Variants in SCAPER observed in about 807,000 individuals in gnomAD.
SCAPER encodes S-phase cyclin A associated protein in the ER, also known as S phase cyclin A-associated protein in the endoplasmic reticulum.
A neutral mutation model predicts 182.2 loss-of-function variants in SCAPER; 98 were observed. That is an observed-to-expected ratio of 0.54 (90% CI 0.46 to 0.64). SCAPER has a LOEUF of 0.64. Among genes scored for constraint, SCAPER ranks in the 30% least tolerant of loss-of-function variants. SCAPER has a pLI of 0.00. For missense variants in SCAPER, 1,432 were observed against 1,690.0 expected, an observed-to-expected ratio of 0.85 and a Z score of 2.68; for synonymous variants, 605 against 564.6, an observed-to-expected ratio of 1.07 and a Z score of -1.01.
chr15:76,581,642 A>C (rs564150410), intron 22 of SCAPER, among the ~76,000 whole-genome samples: 1 of 152,170 alleles, frequency 6.6e-6, no homozygotes, highest in Non-Finnish European at 1.5e-5. Flanking sequence ...GCTGGAGTGC[A>C]GTGGTGTGAT....
At position 76,348,514 on chromosome 15, in the gene SCAPER, C is replaced by T. The variant is rs79434076; in HGVS notation, c.*119G>A. 7,424 of 624,892 alleles carry T rather than the reference C, an allele frequency of 0.012. 65 individuals are homozygous for T. The highest frequency in any genetic ancestry group is 0.016 in the Non-Finnish European group (5,996 of 364,264). 38.7% of individuals were successfully genotyped at this position (624,892 alleles called of 1,614,324 possible). ...AAATAGTGTAAAGTACATGCCATAT[C>T]TACAGTGTGGGAAGAGTATAAACAT... is the stretch of plus-strand genomic sequence containing the variant. On this transcript the variant is annotated 3_prime_UTR_variant, in exon 32 of 32. Transcript: ENST00000563290.
rs571769499 is a variant in SCAPER, at chr15:76,460,087, A to AT, written c.3078+11124dup. ...GGTTACTGTGGCCTTGTAATATATG[A>AT]TTTTTTTTCTGTTTCTATGAAAAAT... On this transcript the variant is annotated intron_variant, in intron 25 of 31. Transcript: ENST00000563290. 3.8e-4 allele frequency among the ~76,000 whole-genome samples: 57 copies of AT among 151,244 alleles called. 1 individual carries two copies. The South Asian group carries it at 5.7e-3, about 15-fold the overall frequency.
At chr15:76,538,297 CAA>C (rs2044378254) in intron 23 of SCAPER, among the ~76,000 whole-genome samples, 1 of 149,478 alleles carries the variant, frequency 6.7e-6, no homozygotes, top group East Asian at 1.9e-4. Context: ...TTCACAATAG[CAA>C]AGACTTGGAA....
intron 18 of SCAPER, 70 bp downstream of exon 18, chr15:76,705,833 T>A: frequency 2.0e-6 from 2 of 1,020,736 alleles, no homozygotes; most frequent in South Asian, 1.6e-5. Context: ...ATTTTTTTCC[T>A]ACAAAATTTT....
chr15:76,642,206 A>C (rs939507080), intron 21 of SCAPER, among the ~76,000 whole-genome samples: 1 of 152,208 alleles, frequency 6.6e-6, no homozygotes, highest in South Asian at 2.1e-4. Flanking sequence ...AGACAATTAT[A>C]CTTGATACCT....
intron 21 of SCAPER, among the ~76,000 whole-genome samples, chr15:76,662,424 GCA>G (rs1567732618): frequency 6.6e-6 from 1 of 152,022 alleles, no homozygotes; most frequent in African/African-American, 2.4e-5. Context: ...TATAAAAATT[GCA>G]CAGTCCTGAG....
At chr15:76,401,002 G>C (rs1446186339) in intron 27 of SCAPER, among the ~76,000 whole-genome samples, 1 of 151,688 alleles carries the variant, frequency 6.6e-6, no homozygotes, top group Non-Finnish European at 1.5e-5. Flanking sequence ...AAAATTTTGA[G>C]TGGTAGACAG....
intron 5 of SCAPER, among the ~76,000 whole-genome samples, chr15:76,814,060 C>G (rs1190122392): frequency 6.6e-6 from 1 of 151,922 alleles, no homozygotes; most frequent in Non-Finnish European, 1.5e-5. Flanking sequence ...CCCACATACC[C>G]GGGAGGCTGA....
intron 26 of SCAPER, among the ~76,000 whole-genome samples, chr15:76,423,482 T>C (rs577676965): frequency 4.3e-4 from 65 of 152,352 alleles, no homozygotes; most frequent in South Asian, 3.1e-3. Context: ...TCATCATTTT[T>C]TATTGTGTCT....
chr15:76,523,429 T>C lies in SCAPER; in HGVS notation c.2839-18455A>G, dbSNP rs1048840004. Among the ~76,000 whole-genome samples the C allele has an allele frequency of 2.3e-4, 35 of 152,096 alleles. 1 individual carries two copies. The highest frequency in any genetic ancestry group is 1.7e-3 in the Admixed American group (26 of 15,258). ...CAGGTCAGTCACTGATTGTCCTTTA[T>C]GTAAATCTGATAGAACCGACTAATA... On this transcript the variant is annotated intron_variant, in intron 23 of 31. Coordinates refer to ENST00000563290, the MANE Select transcript of SCAPER (RefSeq NM_020843.4).
At chr15:76,578,457 C>A (rs1376368087) in intron 22 of SCAPER, among the ~76,000 whole-genome samples, 1 of 152,204 alleles carries the variant, frequency 6.6e-6, no homozygotes, top group Non-Finnish European at 1.5e-5. Flanking sequence ...GTGGGGGCTA[C>A]AGGGGTGCTT....
At chr15:76,881,754 G>T (rs145630679) in intron 2 of SCAPER, among the ~76,000 whole-genome samples, 99 of 152,310 alleles carry the variant, frequency 6.5e-4, no homozygotes, top group African/African-American at 2.2e-3. Flanking sequence ...TTAATGTATA[G>T]AGTTTCAATA....
intron 23 of SCAPER, among the ~76,000 whole-genome samples, chr15:76,564,169 A>C (rs1377093058): frequency 6.6e-6 from 1 of 152,298 alleles, no homozygotes; most frequent in East Asian, 1.9e-4. Context: ...TGGCCAGGGC[A>C]ATCAGGCAAG....
chr15:76,621,100 G>C (rs1479220113), intron 22 of SCAPER, among the ~76,000 whole-genome samples: 1 of 152,104 alleles, frequency 6.6e-6, no homozygotes, highest in African/African-American at 2.4e-5. Context: ...GTCTGAATAG[G>C]ACTTCCTAAA....
chr15:76,549,885 T>A (rs1471271529), intron 23 of SCAPER, among the ~76,000 whole-genome samples: 1 of 152,208 alleles, frequency 6.6e-6, no homozygotes, highest in Non-Finnish European at 1.5e-5. Flanking sequence ...AAATGCTTCA[T>A]GACATTAATG....
chr15:76,449,330 T>C (rs2048215364), intron 25 of SCAPER, among the ~76,000 whole-genome samples: 1 of 152,232 alleles, frequency 6.6e-6, no homozygotes, highest in African/African-American at 2.4e-5. Flanking sequence ...TATGTAATTT[T>C]AAACATGTAC....
intron 25 of SCAPER, among the ~76,000 whole-genome samples, chr15:76,455,229 G>T (rs1255142428): frequency 1.3e-5 from 2 of 152,134 alleles, no homozygotes; most frequent in Admixed American, 1.3e-4. Context: ...CTGGCGTATA[G>T]TTGACAAATA....
chr15:76,615,492 G>GAC (rs200914871), intron 22 of SCAPER, among the ~76,000 whole-genome samples: 2,648 of 140,708 alleles, frequency 0.019, 33 homozygotes, highest in South Asian at 0.035. Context: ...CACACACACA[G>GAC]ACACACACAC....
chr15:76,442,686 A>C (rs1262023941), intron 25 of SCAPER, among the ~76,000 whole-genome samples: 2 of 152,228 alleles, frequency 1.3e-5, no homozygotes, highest in Non-Finnish European at 2.9e-5. Context: ...CCTATTATGC[A>C]AATGAGAAAA....
Sources: allele counts gnomAD v4.1 joint callset (sites outside exome capture counted in the v4.1 genomes callset), GRCh38; gene constraint gnomAD v4.1.1; transcripts MANE v1.5; gene names NCBI Gene and HGNC (gene_info 2026-07-23, HGNC 2026-07-21).